The following NFYC variants were observed in gnomAD, a reference collection of about 807,000 sequenced individuals.
The protein encoded by NFYC is CAAT box DNA-binding protein subunit C.
In NFYC, 25 loss-of-function variants were observed where a neutral mutation model predicts 53.1. That is an observed-to-expected ratio of 0.47 (90% CI 0.34 to 0.66). The LOEUF is 0.66. NFYC is among the 30% of genes least tolerant of loss of function. The probability of loss-of-function intolerance (pLI) is 0.01; values close to 1 mark genes in which losing one functional copy is unlikely to be tolerated. For synonymous variants in NFYC, 145 were observed against 152.6 expected (o/e 0.95, Z 0.37); for missense variants, 260 against 422.7 (o/e 0.62, Z 3.38).
intron 7 of NFYC, 90 bp downstream of exon 7, chr1:40,763,136 A>G: frequency 2.5e-6 from 3 of 1,187,280 alleles, no homozygotes; most frequent in Admixed American, 2.8e-5. Context: ...GTATATCTCT[A>G]TATATACCTT....
At chr1:40,715,759 G>A (rs1244459893) in intron 1 of NFYC, among the ~76,000 whole-genome samples, 1 of 152,038 alleles carries the variant, frequency 6.6e-6, no homozygotes, top group Non-Finnish European at 1.5e-5. Flanking sequence ...GTGAAAATGG[G>A]CAATCGAAGG....
chr1:40,716,243 A>G (rs912680679), intron 1 of NFYC, among the ~76,000 whole-genome samples: 1 of 152,242 alleles, frequency 6.6e-6, no homozygotes, highest in Non-Finnish European at 1.5e-5. Context: ...AAGAACAAGC[A>G]AAATACACAG....
intron 1 of NFYC, among the ~76,000 whole-genome samples, chr1:40,699,039 C>T (rs1274994868): frequency 1.3e-5 from 2 of 151,966 alleles, no homozygotes; most frequent in Non-Finnish European, 2.9e-5. Flanking sequence ...TGGTGGGCCT[C>T]TGTAACCCCA....
At chr1:40,694,077 G>A (rs2148394850) in intron 1 of NFYC, among the ~76,000 whole-genome samples, 1 of 152,310 alleles carries the variant, frequency 6.6e-6, no homozygotes, top group Non-Finnish European at 1.5e-5. Flanking sequence ...TTAAAACCAA[G>A]CTTCAGAATA....
At chr1:40,768,490 A>G (rs1477435391) in intron 8 of NFYC, among the ~76,000 whole-genome samples, 4 of 152,198 alleles carry the variant, frequency 2.6e-5, no homozygotes, top group African/African-American at 9.7e-5. Flanking sequence ...TGGTGAGGAC[A>G]TTTGAGAGGA....
intron 1 of NFYC, among the ~76,000 whole-genome samples, chr1:40,734,495 G>A (rs1644926496): frequency 6.6e-6 from 1 of 151,814 alleles, no homozygotes; most frequent in Non-Finnish European, 1.5e-5. Flanking sequence ...CGAGTAGCTG[G>A]GACTACAGGC....
Position 40,748,122 on chromosome 1 carries a change from C to T in NFYC, c.177+517C>T, listed in dbSNP as rs191076821. ...AAGTGCTGGGATTACAGGTGTGAGC[C>T]ACCGCATCTGGCCTTTTCTTTCTTT... On this transcript the variant is annotated intron_variant, in intron 3 of 9. Transcript: ENST00000447388. 5.7e-4 allele frequency among the ~76,000 whole-genome samples: 86 copies of T among 151,986 alleles called. 2 individuals carry two copies. In the East Asian group the frequency reaches 0.01, roughly 18 times the overall value.
chr1:40,757,999 TG>T, intron 5 of NFYC, 121 bp from the exon 6 acceptor site: 1 of 1,042,690 alleles, frequency 9.6e-7, no homozygotes, highest in Non-Finnish European at 1.4e-6. Context: ...GCTTCAAATG[TG>T]GAGAGCTCAG....
At chr1:40,694,455 C>T (rs1031760683) in intron 1 of NFYC, among the ~76,000 whole-genome samples, 1 of 152,144 alleles carries the variant, frequency 6.6e-6, no homozygotes, top group Non-Finnish European at 1.5e-5. Flanking sequence ...TTTACAATAA[C>T]GTTTCACTGT....
intron 7 of NFYC, among the ~76,000 whole-genome samples, chr1:40,764,402 T>C (rs994546403): frequency 6.6e-5 from 10 of 152,246 alleles, no homozygotes; most frequent in African/African-American, 2.4e-4. Context: ...TCTACCTCTC[T>C]CACGTGTGCT....
At chr1:40,752,664 A>C (rs772054499) in intron 4 of NFYC, among the ~76,000 whole-genome samples, 3 of 152,138 alleles carry the variant, frequency 2.0e-5, no homozygotes, top group Admixed American at 1.3e-4. Flanking sequence ...AATAAAAATC[A>C]TAGCTTGTGA....
At chr1:40,738,059 C>T (rs892432882) in intron 1 of NFYC, among the ~76,000 whole-genome samples, 9 of 151,928 alleles carry the variant, frequency 5.9e-5, no homozygotes, top group East Asian at 1.9e-4. Context: ...CCCGCCACTA[C>T]GCCCGGCTAA....
chr1:40,692,970 G>C (rs538799815), intron 1 of NFYC, among the ~76,000 whole-genome samples: 124 of 152,312 alleles, frequency 8.1e-4, no homozygotes, highest in Non-Finnish European at 1.5e-3. Flanking sequence ...TCATGGCTGA[G>C]TTTCCAAAGC....
chr1:40,758,820 A>C (rs560235097), intron 6 of NFYC, among the ~76,000 whole-genome samples: 1 of 152,256 alleles, frequency 6.6e-6, no homozygotes, highest in Non-Finnish European at 1.5e-5. Flanking sequence ...AGTAGCATTC[A>C]TGTTTGTTGG....
chr1:40,700,945 A>G (rs982665012), intron 1 of NFYC, among the ~76,000 whole-genome samples: 2 of 152,188 alleles, frequency 1.3e-5, no homozygotes, highest in African/African-American at 4.8e-5. Flanking sequence ...CCCAATGGTA[A>G]GGAACTAAAC....
At chr1:40,711,152 T>C (rs1357349088) in intron 1 of NFYC, among the ~76,000 whole-genome samples, 1 of 152,224 alleles carries the variant, frequency 6.6e-6, no homozygotes, top group Admixed American at 6.5e-5. Context: ...TTGTCTTCTT[T>C]GTAATCTAGA....
intron 5 of NFYC, among the ~76,000 whole-genome samples, chr1:40,756,529 A>G (rs1646231997): frequency 6.6e-6 from 1 of 152,202 alleles, no homozygotes; most frequent in African/African-American, 2.4e-5. Context: ...TCTCAGGGGT[A>G]GATACTGGCA....
intron 1 of NFYC, among the ~76,000 whole-genome samples, chr1:40,738,538 G>A (rs1212118853): frequency 2.6e-5 from 4 of 152,174 alleles, no homozygotes; most frequent in African/African-American, 9.7e-5. Flanking sequence ...CATATAAGAA[G>A]TTAAAAGTCC....
At position 40,770,352 on chromosome 1, in the gene NFYC, C is replaced by T; in HGVS notation, c.889-357C>T. Reference sequence around the variant, plus strand: ...CCAAGAGTTGGGGAAATGCTGACTTCCAAGCTGCTGGTACAGTGGTTCGAA... The same window carrying T: ...CCAAGAGTTGGGGAAATGCTGACTTTCAAGCTGCTGGTACAGTGGTTCGAA... On this transcript the variant is annotated intron_variant, in intron 9 of 9. Coordinates refer to ENST00000447388, the MANE Select transcript of NFYC (RefSeq NM_014223.5). This position sits in a 1 kb window ranked among gnomAD's most constrained non-coding sequence, Gnocchi z 5.3. 2 of 1,509,218 alleles carry T rather than the reference C, an allele frequency of 1.3e-6. No homozygotes were observed. Among genetic ancestry groups the T allele is most frequent in the East Asian group, 2.5e-5 (1 of 40,378 alleles). The allele number at this position is 1,509,218 out of a possible 1,614,324, so 93.5% of individuals were successfully genotyped here. A position where few individuals can be genotyped will look rare whatever the true frequency, so the allele number is the denominator to read the frequency against.
Sources: allele counts gnomAD v4.1 joint callset (sites outside exome capture counted in the v4.1 genomes callset), GRCh38; gene constraint gnomAD v4.1.1; non-coding constraint Gnocchi (gnomAD v3.1); transcripts MANE v1.5; gene names NCBI Gene and HGNC (gene_info 2026-07-23, HGNC 2026-07-21).